Variants in SMG6 observed in about 807,000 individuals in gnomAD.
The protein encoded by SMG6 is telomerase-binding protein EST1A.
Under a neutral mutation model 142.2 loss-of-function variants are expected in SMG6, and 66 were observed. That is an observed-to-expected ratio of 0.46 (90% CI 0.38 to 0.57). The LOEUF (loss-of-function observed/expected upper bound fraction) is 0.57, where lower values mean the gene tolerates loss of function less well. SMG6 is among the 20% of genes least tolerant of loss of function. SMG6 has a pLI of 0.00. For missense variants in SMG6, 1,793 were observed against 1,832.0 expected (o/e 0.98, Z 0.39); for synonymous variants, 779 against 702.4 (o/e 1.11, Z -1.72).
chr17:2,102,074 G>T (rs1440180661), intron 13 of SMG6, among the ~76,000 whole-genome samples: 1 of 152,192 alleles, frequency 6.6e-6, no homozygotes, highest in Non-Finnish European at 1.5e-5. Flanking sequence ...GACAAGCAGG[G>T]CCTAGTGGAA....
At chr17:2,098,410 GTCT>G (rs2068915558) in intron 13 of SMG6, among the ~76,000 whole-genome samples, 1 of 152,070 alleles carries the variant, frequency 6.6e-6, no homozygotes, top group Admixed American at 6.6e-5. Context: ...CTTCACCAAG[GTCT>G]TCTCCCCATG....
intron 13 of SMG6, among the ~76,000 whole-genome samples, chr17:2,171,659 C>A (rs898086129): frequency 1.3e-5 from 2 of 151,984 alleles, no homozygotes; most frequent in Admixed American, 6.6e-5. Flanking sequence ...AAGGTGTGAG[C>A]CACTGCAACG....
intron 10 of SMG6, chr17:2,212,640 A>G (rs922399114): frequency 3.3e-5 from 5 of 152,284 alleles, no homozygotes; most frequent in Non-Finnish European, 7.3e-5. Context: ...ATTCAGTTAC[A>G]TCAGGCACCA....
In SMG6 at chr17:2,068,824, C is replaced by T. The variant is rs776387609; in HGVS notation, c.3789G>A (p.Ala1263=). The T allele has an allele frequency of 8.1e-6, 13 of 1,614,094 alleles. No individual in the cohort carries two copies. The highest frequency in any genetic ancestry group is 4.5e-5 in the East Asian group (2 of 44,904). Residue 1263 remains alanine, a synonymous_variant, in exon 16 of 19, where the codon GCG becomes GCA. Coordinates refer to ENST00000263073, the MANE Select transcript of SMG6 (RefSeq NM_017575.5). This position sits in a 1 kb window ranked among gnomAD's most constrained non-coding sequence, Gnocchi z 6.7. The part of the protein sequence containing the change: ...NGFIDHLASL[A]RLLESRKYIL... Reference sequence around the variant, plus strand: ...TGTACTTCCTGCTCTCCAGCAGCCGCGCCAGACTGGCCAGGTGGTCAATGA... The same window carrying T: ...TGTACTTCCTGCTCTCCAGCAGCCGTGCCAGACTGGCCAGGTGGTCAATGA...
At chr17:2,243,648 C>T (rs2073863946) in intron 9 of SMG6, among the ~76,000 whole-genome samples, 1 of 152,178 alleles carries the variant, frequency 6.6e-6, no homozygotes, top group South Asian at 2.1e-4. Context: ...CCGCTGCACT[C>T]CAGCCTGGGC....
intron 8 of SMG6, among the ~76,000 whole-genome samples, chr17:2,275,486 T>C (rs1003642640): frequency 6.6e-6 from 1 of 152,166 alleles, no homozygotes. Flanking sequence ...CAATCCTATA[T>C]GCTTTCTTCC....
At chr17:2,292,091 G>A (rs1365383854) in intron 6 of SMG6, among the ~76,000 whole-genome samples, 1 of 152,190 alleles carries the variant, frequency 6.6e-6, no homozygotes, top group Non-Finnish European at 1.5e-5. Context: ...TTCTGCTAAG[G>A]AGGCACCTCA....
chr17:2,188,215 G>A (rs1045090959), intron 11 of SMG6, among the ~76,000 whole-genome samples, 184 bp downstream of exon 11: 2 of 152,178 alleles, frequency 1.3e-5, no homozygotes, highest in African/African-American at 4.8e-5. Flanking sequence ...GAGGGCCTTA[G>A]AGGCAATCAG....
chr17:2,087,032 C>G (rs2068582637), intron 13 of SMG6: 12 of 1,290,114 alleles, frequency 9.3e-6, no homozygotes, highest in African/African-American at 1.5e-5. Context: ...AGGAACTTCA[C>G]AGTAATAAGC....
At chr17:2,222,881 A>C (rs1453716399) in intron 10 of SMG6, among the ~76,000 whole-genome samples, 2 of 152,230 alleles carry the variant, frequency 1.3e-5, no homozygotes, top group African/African-American at 4.8e-5. Context: ...TATCCCTAGC[A>C]GGCATCTGAA....
chr17:2,250,392 CTT>C (rs370155077), intron 8 of SMG6, among the ~76,000 whole-genome samples: 5 of 146,634 alleles, frequency 3.4e-5, no homozygotes, highest in Admixed American at 1.4e-4. Flanking sequence ...TTTATATACA[CTT>C]TTTTTTTTTT....
At chr17:2,295,204 T>C (rs574065433) in intron 4 of SMG6, among the ~76,000 whole-genome samples, 1 of 152,150 alleles carries the variant, frequency 6.6e-6, no homozygotes, top group East Asian at 1.9e-4. Flanking sequence ...AGTAAGAAAG[T>C]GTGTATGTAG....
chr17:2,127,580 A>T, intron 13 of SMG6: 1 of 587,466 alleles, frequency 1.7e-6, no homozygotes, highest in Non-Finnish European at 3.4e-6. Flanking sequence ...GTGACGGCCC[A>T]ATCTTGCTGG....
intron 10 of SMG6, among the ~76,000 whole-genome samples, chr17:2,224,026 C>T (rs1045410764): frequency 2.6e-5 from 4 of 152,168 alleles, no homozygotes; most frequent in Non-Finnish European, 5.9e-5. Flanking sequence ...TAGATCCATT[C>T]TCCCAATCAA....
At chr17:2,125,564 T>C (rs1389718815) in intron 13 of SMG6, among the ~76,000 whole-genome samples, 2 of 152,252 alleles carry the variant, frequency 1.3e-5, no homozygotes, top group Admixed American at 6.5e-5. Context: ...ATTGTTAAGC[T>C]GACTACAGTA....
intron 8 of SMG6, among the ~76,000 whole-genome samples, chr17:2,278,200 T>C (rs1170370257): frequency 7.6e-6 from 1 of 131,624 alleles, no homozygotes; most frequent in African/African-American, 2.6e-5. Context: ...CCACTTTATA[T>C]ATACTTTTTT....
At chr17:2,183,282 A>AAGGG (rs1012387111) in intron 12 of SMG6, among the ~76,000 whole-genome samples, 78 of 150,300 alleles carry the variant, frequency 5.2e-4, no homozygotes, top group Non-Finnish European at 3.0e-5. Flanking sequence ...AAAAAGAAAG[A>AAGGG]AGGGAGGGAG....
At chr17:2,172,893 A>G (rs779198638) in intron 12 of SMG6, 34 bp from the exon 13 acceptor site, 3 of 1,592,508 alleles carry the variant, frequency 1.9e-6, no homozygotes, top group Non-Finnish European at 2.6e-6. Flanking sequence ...GAGCAGCTCT[A>G]AAGAGGGACC....
intron 13 of SMG6, among the ~76,000 whole-genome samples, chr17:2,095,298 C>G (rs543801885): frequency 6.6e-6 from 1 of 152,344 alleles, no homozygotes; most frequent in South Asian, 2.1e-4. Flanking sequence ...GCTCTAGTCA[C>G]TCTGAACCAC....
Sources: gnomAD v4.1 joint callset for allele counts (sites outside exome capture counted in the v4.1 genomes callset) on GRCh38, gnomAD v4.1.1 for gene constraint, Gnocchi (gnomAD v3.1) non-coding constraint, MANE v1.5 for transcripts, NCBI Gene and HGNC (gene_info 2026-07-23, HGNC 2026-07-21) for gene names.